Variants in HNRNPUL1 observed in about 807,000 individuals in gnomAD.
HNRNPUL1 encodes the protein heterogeneous nuclear ribonucleoprotein U-like protein 1.
HNRNPUL1 carries 14 observed loss-of-function variants against 108.5 expected under a neutral mutation model. The observed-to-expected ratio is 0.13, with a 90% confidence interval of 0.09 to 0.20. HNRNPUL1 has a LOEUF of 0.20. Among genes scored for constraint, HNRNPUL1 ranks in the 10% least tolerant of loss-of-function variants. The pLI is 1.00. For synonymous variants in HNRNPUL1, 422 were observed against 445.2 expected (o/e 0.95, Z 0.66); for missense variants, 804 against 1,168.3 (o/e 0.69, Z 4.55).
Position 41,305,496 on chromosome 19 carries a change from G to C in HNRNPUL1, c.2263-180G>C. The C allele has an allele frequency of 4.0e-6, 3 of 750,742 alleles. No individual in the cohort carries two copies. In the South Asian group the frequency reaches 5.2e-5, roughly 13 times the overall value. The allele number at this position is 750,742 out of a possible 1,614,324, so 46.5% of individuals were successfully genotyped here. A position where few individuals can be genotyped will look rare whatever the true frequency, so the allele number is the denominator to read the frequency against. On this transcript the variant is annotated intron_variant, in intron 13 of 14. Coordinates refer to ENST00000392006, the MANE Select transcript of HNRNPUL1 (RefSeq NM_007040.6). ...AGCCCTGGGGCTTGCCCTTCATCCT[G>C]CCCTACCATGGCATGGAGCTGGCTC...
intron 2 of HNRNPUL1, 67 bp from the exon 3 acceptor site, chr19:41,272,015 G>T: frequency 1.9e-6 from 3 of 1,552,868 alleles, no homozygotes; most frequent in Non-Finnish European, 2.6e-6. Flanking sequence ...AAGGGAAAAG[G>T]GACCAGAAAA....
At chr19:41,301,269 C>T (rs2037195312) in intron 10 of HNRNPUL1, among the ~76,000 whole-genome samples, 1 of 152,104 alleles carries the variant, frequency 6.6e-6, no homozygotes, top group Non-Finnish European at 1.5e-5. Context: ...AGGTCCAGTA[C>T]CAAGAACAAA....
chr19:41,278,106 CT>C, intron 5 of HNRNPUL1, among the ~76,000 whole-genome samples: 1 of 152,018 alleles, frequency 6.6e-6, no homozygotes, highest in Non-Finnish European at 1.5e-5. Flanking sequence ...GTTACCCAAG[CT>C]AGAATACAGT....
intron 4 of HNRNPUL1, 71 bp downstream of exon 4, chr19:41,274,126 C>G: frequency 8.1e-7 from 1 of 1,241,818 alleles, no homozygotes; most frequent in South Asian, 1.2e-5. Context: ...TTGACCTTCA[C>G]CAGAATCCCT....
At chr19:41,276,472 A>G (rs190035301) in intron 5 of HNRNPUL1, 174 bp downstream of exon 5, 167 of 616,562 alleles carry the variant, frequency 2.7e-4, no homozygotes, top group African/African-American at 2.6e-3. Context: ...GCTAAATATC[A>G]TATCAGAAAA....
rs117365079 is a variant in HNRNPUL1 at position 41,296,085 on chromosome 19, C to T, written c.1518+1399C>T. Reference sequence around the variant, plus strand: ...AGAGCAGTAATACCATTTTAACACTCTGAGGATACATACCTCTTTTGGATA... The same window carrying T: ...AGAGCAGTAATACCATTTTAACACTTTGAGGATACATACCTCTTTTGGATA... On this transcript the variant is annotated intron_variant, in intron 10 of 14. Transcript: ENST00000392006. Among the ~76,000 whole-genome samples, 534 of 152,332 alleles carry T rather than the reference C, an allele frequency of 3.5e-3. 4 individuals carry two copies. The highest frequency in any genetic ancestry group is 0.017 in the Middle Eastern group (5 of 294).
chr19:41,278,287 C>G (rs1297446754), intron 5 of HNRNPUL1: 1 of 152,020 alleles, frequency 6.6e-6, no homozygotes, highest in East Asian at 1.9e-4. Flanking sequence ...TCTCGAACTC[C>G]TGACCTCAGG....
At chr19:41,265,339 T>C (rs1568424841) in intron 1 of HNRNPUL1, 3 of 1,505,036 alleles carry the variant, frequency 2.0e-6, no homozygotes, top group East Asian at 2.6e-5. Context: ...CGTTCTCCTA[T>C]TTGGGTACGG....
chr19:41,303,944 G>A, intron 12 of HNRNPUL1, 28 bp from the exon 13 acceptor site: 5 of 1,583,768 alleles, frequency 3.2e-6, no homozygotes, highest in Middle Eastern at 1.7e-4. Context: ...GAATGATGGC[G>A]CCTTTCATCT....
chr19:41,277,115 AAC>A (rs1188646072), intron 5 of HNRNPUL1, among the ~76,000 whole-genome samples: 4 of 151,290 alleles, frequency 2.6e-5, no homozygotes, highest in African/African-American at 9.7e-5. Flanking sequence ...AAAACAAAAA[AAC>A]AAAAACAAAA....
At chr19:41,273,401 C>T (rs2035358371) in intron 3 of HNRNPUL1, among the ~76,000 whole-genome samples, 1 of 152,122 alleles carries the variant, frequency 6.6e-6, no homozygotes, top group Admixed American at 6.5e-5. Flanking sequence ...TACCCTTCTT[C>T]CTCGTTCCTG....
intron 7 of HNRNPUL1, among the ~76,000 whole-genome samples, chr19:41,289,600 G>A (rs1487396943): frequency 6.6e-6 from 1 of 152,076 alleles, no homozygotes; most frequent in African/African-American, 2.4e-5. Context: ...GTTGGTGGTA[G>A]ATGGGTTGGT....
At position 41,273,898 on chromosome 19, in the gene HNRNPUL1, C is replaced by T. The variant is rs905925448; in HGVS notation, c.573-84C>T. On this transcript the variant is annotated intron_variant, in intron 3 of 14. Transcript: ENST00000392006. ...TTCAGGAAGCAGTCTGGAGGCCACT[C>T]ATAGATTACAGCAGAACATTCATTT... 12 of 1,132,112 alleles carry T rather than the reference C, an allele frequency of 1.1e-5. No homozygotes were observed. The Admixed American group carries it at 1.4e-4, about 14-fold the overall frequency. The allele number at this position is 1,132,112 out of a possible 1,614,324, so 70.1% of individuals were successfully genotyped here. A position where few individuals can be genotyped will look rare whatever the true frequency, so the allele number is the denominator to read the frequency against.
Position 41,292,563 on chromosome 19 carries a change from GAC to G in HNRNPUL1, c.1266+74_1266+75del, listed in dbSNP as rs57173622. ...GCCACCTTGCTGCCAAGACAGAGGA[GAC>G]ACACACACACACACACACACAGACT... On this transcript the variant is annotated intron_variant, in intron 8 of 14. Transcript: ENST00000392006. This position sits in a 1 kb window ranked among gnomAD's most constrained non-coding sequence, Gnocchi z 4.1. The G allele has an allele frequency of 0.087, 112,034 of 1,281,262 alleles. 109 individuals are homozygous for G. The highest frequency in any genetic ancestry group is 0.12 in the South Asian group (8,015 of 69,228). 79.4% of individuals were successfully genotyped at this position (1,281,262 alleles called of 1,614,324 possible).
At chr19:41,299,498 G>A (rs1168302008) in intron 10 of HNRNPUL1, among the ~76,000 whole-genome samples, 2 of 152,146 alleles carry the variant, frequency 1.3e-5, no homozygotes, top group Non-Finnish European at 2.9e-5. Flanking sequence ...TTTCCATTGG[G>A]AAGCCTCTCC....
At chr19:41,282,525 AGCTT>A (rs2035958291) in intron 7 of HNRNPUL1, among the ~76,000 whole-genome samples, 1 of 151,962 alleles carries the variant, frequency 6.6e-6, no homozygotes, top group South Asian at 2.1e-4. Context: ...AACTCGGAAA[AGCTT>A]GAGAATAAAG....
Position 41,301,520 on chromosome 19 carries a change from G to C in HNRNPUL1, c.1519-16G>C. The C allele has an allele frequency of 6.2e-7, 1 of 1,602,468 alleles. No homozygotes were observed. The highest frequency in any genetic ancestry group is 8.5e-7 in the Non-Finnish European group (1 of 1,175,492). ...TAATGTACCATCTCTTGCCTCTTCTGTTACCTTACCCTTAGACAAATGTTT... is the reference window on the plus strand; with the variant it reads ...TAATGTACCATCTCTTGCCTCTTCTCTTACCTTACCCTTAGACAAATGTTT... On this transcript the variant is annotated splice_polypyrimidine_tract_variant and intron_variant, in intron 10 of 14. Transcript: ENST00000392006.
In HNRNPUL1 at chr19:41,304,536, G is replaced by A. The variant is rs554166169; in HGVS notation, c.2262+275G>A. Among the ~76,000 whole-genome samples the A allele has an allele frequency of 1.3e-4, 20 of 152,332 alleles. No homozygotes were observed. In the South Asian group the frequency reaches 4.1e-3, roughly 32 times the overall value. On this transcript the variant is annotated intron_variant, in intron 13 of 14. Transcript: ENST00000392006. ...CTCAAGGGGATGGGCTGTAAGCACT[G>A]ATCCCTCCAGCAAGTACATTATTCT...
chr19:41,265,528 T>G (rs1010242714), intron 1 of HNRNPUL1, among the ~76,000 whole-genome samples: 1 of 152,090 alleles, frequency 6.6e-6, no homozygotes, highest in Non-Finnish European at 1.5e-5. Context: ...GCCTGGACAT[T>G]AGGTGCTGGG....
Sources: allele counts gnomAD v4.1 joint callset (sites outside exome capture counted in the v4.1 genomes callset), GRCh38; gene constraint gnomAD v4.1.1; non-coding constraint Gnocchi (gnomAD v3.1); transcripts MANE v1.5; gene names NCBI Gene and HGNC (gene_info 2026-07-23, HGNC 2026-07-21).